The following DCLK1 variants were observed in gnomAD, a reference collection of about 807,000 sequenced individuals.
DCLK1 encodes doublecortin like kinase 1, also known as serine/threonine-protein kinase DCLK1.
A neutral mutation model predicts 86.2 loss-of-function variants in DCLK1; 16 were observed. The ratio of observed to expected loss-of-function variants is 0.19; its 90% CI spans 0.13 to 0.28. The LOEUF (loss-of-function observed/expected upper bound fraction) is 0.28, where lower values mean the gene tolerates loss of function less well. Among genes scored for constraint, DCLK1 ranks in the 10% least tolerant of loss-of-function variants. The pLI, the probability that DCLK1 is intolerant of heterozygous loss-of-function variation, is 1.00. For missense variants in DCLK1, 590 were observed against 940.2 expected, an observed-to-expected ratio of 0.63 and a Z score of 4.87; for synonymous variants, 369 against 370.5, an observed-to-expected ratio of 1.00 and a Z score of 0.05.
rs2086392710 is a variant in DCLK1 at position 35,774,631 on chromosome 13, G to A, written c.2127C>T (p.Tyr709=). 6.2e-7 allele frequency: 1 copy of A among 1,607,336 alleles called. No individual in the cohort carries two copies. The highest frequency in any genetic ancestry group is 2.2e-5 in the East Asian group (1 of 44,646). ...RRRNQDVRSR[Y]KAQPAPPELN... is the part of the protein sequence containing the mutation. ...GTTCGGGAGGAGCTGGCTGCGCCTT[G>A]TACCGGCTCCTCACATCCTGGTTGC... is the stretch of plus-strand genomic sequence containing the variant. The change falls in exon 17 of 17, where the codon TAC becomes TAT. Residue 709 remains tyrosine, a synonymous_variant. Transcript: ENST00000360631.
rs1232945659 is a variant in DCLK1 at position 35,772,996 on chromosome 13, T to G, written c.*1539A>C. 1 of 152,160 alleles carries G rather than the reference T, an allele frequency of 6.6e-6. No homozygotes were observed. The highest frequency in any genetic ancestry group is 6.5e-5 in the Admixed American group (1 of 15,270). 9.4% of individuals were successfully genotyped at this position (152,160 alleles called of 1,614,324 possible). A position where few individuals can be genotyped will look rare whatever the true frequency, so the allele number is the denominator to read the frequency against. On this transcript the variant is annotated 3_prime_UTR_variant, in exon 17 of 17. Transcript: ENST00000360631. ...CACCAGATGCAAATTTCATGAGATA[T>G]CCCTCTCTGGTTGTCTCGTGGATCC...
Position 35,953,443 on chromosome 13 carries a change from AC to A in DCLK1, c.724-5987del, listed in dbSNP as rs558324813. On this transcript the variant is annotated intron_variant, in intron 3 of 16. Transcript: ENST00000360631. ...ATATAATAAAAACGGTGTCTAATAAACCCCCCTTTTTAAAAGAAGGAAGTTC... is the reference window on the plus strand; with the variant it reads ...ATATAATAAAAACGGTGTCTAATAAACCCCCTTTTTAAAAGAAGGAAGTTC... 2.3e-3 allele frequency among the ~76,000 whole-genome samples: 346 copies of A among 152,128 alleles called. 3 individuals are homozygous for A. Among genetic ancestry groups the A allele is most frequent in the Non-Finnish European group, 3.7e-3 (251 of 67,986 alleles).
At chr13:35,865,459 G>A (rs1871722732) in intron 5 of DCLK1, among the ~76,000 whole-genome samples, 1 of 152,094 alleles carries the variant, frequency 6.6e-6, no homozygotes, top group South Asian at 2.1e-4. Flanking sequence ...AATTTGTCTG[G>A]AGGCTCTTTA....
At chr13:35,963,842 A>T (rs925886951) in intron 3 of DCLK1, among the ~76,000 whole-genome samples, 2 of 152,150 alleles carry the variant, frequency 1.3e-5, no homozygotes, top group African/African-American at 2.4e-5. Context: ...CTTCTGCCAC[A>T]ATTGTAAGTT....
chr13:35,937,996 G>A (rs1187500540), intron 4 of DCLK1, among the ~76,000 whole-genome samples: 9 of 152,052 alleles, frequency 5.9e-5, no homozygotes, highest in African/African-American at 1.9e-4. Context: ...AAAAATCCAC[G>A]AAACAGTAGG....
At chr13:36,111,132 C>A (rs1487346166) in intron 3 of DCLK1, among the ~76,000 whole-genome samples, 2 of 152,050 alleles carry the variant, frequency 1.3e-5, no homozygotes, top group Admixed American at 6.5e-5. Context: ...CCGTGCCCGG[C>A]CCTAATCAAT....
chr13:36,068,492 A>T (rs150315642), intron 3 of DCLK1, among the ~76,000 whole-genome samples: 3 of 152,304 alleles, frequency 2.0e-5, no homozygotes, highest in African/African-American at 4.8e-5. Context: ...TACAGGCCAA[A>T]AATTAAATCC....
chr13:36,115,523 CTTGT>C (rs558983253), intron 2 of DCLK1, among the ~76,000 whole-genome samples: 17 of 151,866 alleles, frequency 1.1e-4, no homozygotes, highest in African/African-American at 4.1e-4. Context: ...ACCAGTTTTT[CTTGT>C]TTGTTTGTTT....
At chr13:36,099,944 A>C (rs1242488048) in intron 3 of DCLK1, among the ~76,000 whole-genome samples, 1 of 152,198 alleles carries the variant, frequency 6.6e-6, no homozygotes, top group Non-Finnish European at 1.5e-5. Context: ...TGCCAAATGC[A>C]GCAAGGATTT....
chr13:35,799,105 T>G (rs959687950), intron 15 of DCLK1, among the ~76,000 whole-genome samples: 1 of 152,204 alleles, frequency 6.6e-6, no homozygotes, highest in African/African-American at 2.4e-5. Context: ...GAACTTCATT[T>G]CATGTTATAA....
chr13:36,023,921 G>A (rs1289515755), intron 3 of DCLK1, among the ~76,000 whole-genome samples: 35 of 131,558 alleles, frequency 2.7e-4, no homozygotes, highest in African/African-American at 9.0e-4. Flanking sequence ...TTTTTTTGGA[G>A]ACAGTTTCTT....
chr13:36,085,498 C>T (rs765884933), intron 3 of DCLK1, among the ~76,000 whole-genome samples: 16 of 152,128 alleles, frequency 1.1e-4, no homozygotes, highest in East Asian at 5.8e-4. Context: ...CAGCTCTGTG[C>T]CACTGTCCCC....
chr13:35,820,023 TCTGACTATAAATC>T (rs774355052), intron 11 of DCLK1, among the ~76,000 whole-genome samples: 12 of 152,180 alleles, frequency 7.9e-5, no homozygotes, highest in Non-Finnish European at 1.6e-4. Flanking sequence ...CTTTTGTCCA[TCTGACTATAAATC>T]CTGGGTGTGT....
intron 11 of DCLK1, among the ~76,000 whole-genome samples, chr13:35,817,854 C>T (rs1033929523): frequency 3.9e-5 from 6 of 152,192 alleles, no homozygotes; most frequent in Non-Finnish European, 7.4e-5. Context: ...AGCCTTTTGA[C>T]CTGCAGTCAG....
rs1566624653 is a variant in DCLK1 at position 35,966,491 on chromosome 13, TCC to T, written c.724-19036_724-19035del. Among the ~76,000 whole-genome samples the T allele has an allele frequency of 3.4e-3, 431 of 125,242 alleles. 7 individuals are homozygous for T. Among genetic ancestry groups the T allele is most frequent in the African/African-American group, 0.012 (379 of 31,990 alleles). The allele number at this position is 125,242 out of a possible 152,430, so 82.2% of individuals were successfully genotyped here. The stretch of plus-strand genomic sequence containing the variant: ...AAATTCTGGCCTCTCCCTCTCCCTC[TCC>T]CCCTCCCCCTCCCCCTCCCCCTCTC... On this transcript the variant is annotated intron_variant, in intron 3 of 16. Transcript: ENST00000360631.
chr13:36,007,728 G>C (rs1429200001), intron 3 of DCLK1, among the ~76,000 whole-genome samples: 2 of 152,168 alleles, frequency 1.3e-5, no homozygotes, highest in Non-Finnish European at 1.5e-5. Context: ...AAGAGCAAAA[G>C]AAGAACATAA....
chr13:36,076,753 C>G (rs2153162685), intron 3 of DCLK1, among the ~76,000 whole-genome samples: 1 of 152,278 alleles, frequency 6.6e-6, no homozygotes, highest in Non-Finnish European at 1.5e-5. Flanking sequence ...TGGGTAATAT[C>G]TACCCATGGG....
At chr13:36,123,509 GA>G (rs1232109701) in intron 2 of DCLK1, among the ~76,000 whole-genome samples, 1 of 152,110 alleles carries the variant, frequency 6.6e-6, no homozygotes, top group Non-Finnish European at 1.5e-5. Flanking sequence ...CACATTGATT[GA>G]GGGGAAAAAC....
chr13:35,797,265 A>T (rs945394605), intron 15 of DCLK1, among the ~76,000 whole-genome samples: 1 of 152,220 alleles, frequency 6.6e-6, no homozygotes, highest in Non-Finnish European at 1.5e-5. Flanking sequence ...CTCTTGCTGA[A>T]TAACCCCACC....
Sources: allele counts gnomAD v4.1 joint callset (sites outside exome capture counted in the v4.1 genomes callset), GRCh38; gene constraint gnomAD v4.1.1; transcripts MANE v1.5; gene names NCBI Gene and HGNC (gene_info 2026-07-23, HGNC 2026-07-21).